Variants in RBMS3 observed in about 807,000 individuals in gnomAD.
RBMS3 encodes the protein RNA-binding motif, single-stranded-interacting protein 3.
In RBMS3, 27 loss-of-function variants were observed where a neutral mutation model predicts 66.8. The observed-to-expected ratio is 0.40, with a 90% CI of 0.30 to 0.56. The LOEUF is 0.56. Among genes scored for constraint, RBMS3 ranks in the 20% least tolerant of loss-of-function variants. The pLI is 0.40. For synonymous variants in RBMS3, 188 were observed against 183.0 expected (o/e 1.03, Z -0.22); for missense variants, 513 against 549.5 (o/e 0.93, Z 0.66).
intron 1 of RBMS3, among the ~76,000 whole-genome samples, chr3:29,415,471 A>G (rs1450371637): frequency 6.6e-6 from 1 of 152,232 alleles, no homozygotes; most frequent in African/African-American, 2.4e-5. Flanking sequence ...TGTCAGTCTC[A>G]GGAAGGTGAT....
At chr3:29,878,071 G>C (rs1027655637) in intron 7 of RBMS3, among the ~76,000 whole-genome samples, 1 of 152,046 alleles carries the variant, frequency 6.6e-6, no homozygotes, top group African/African-American at 2.4e-5. Context: ...CAGATCGTCA[G>C]GCATTAGTTA....
At chr3:29,305,179 C>T (rs1178156020) in intron 1 of RBMS3, among the ~76,000 whole-genome samples, 2 of 151,884 alleles carry the variant, frequency 1.3e-5, no homozygotes, top group Non-Finnish European at 2.9e-5. Flanking sequence ...GTTTTTCAGA[C>T]CCCAGCTTAA....
chr3:29,880,925 G>A, intron 7 of RBMS3: 2 of 1,191,350 alleles, frequency 1.7e-6, no homozygotes, highest in Non-Finnish European at 2.4e-6. Context: ...TCATTCCTCT[G>A]GATTTACCCT....
intron 2 of RBMS3, among the ~76,000 whole-genome samples, chr3:29,436,827 A>G (rs1013304516): frequency 6.6e-6 from 1 of 152,230 alleles, no homozygotes; most frequent in African/African-American, 2.4e-5. Context: ...ATGTATTTCA[A>G]ACAGGATCTT....
chr3:29,978,939 G>C (rs1325081613), intron 12 of RBMS3, among the ~76,000 whole-genome samples: 1 of 152,050 alleles, frequency 6.6e-6, no homozygotes, highest in Non-Finnish European at 1.5e-5. Context: ...TTCAAGACCA[G>C]TCTGGGCAAG....
intron 6 of RBMS3, among the ~76,000 whole-genome samples, chr3:29,786,330 A>C (rs1254085962): frequency 6.6e-6 from 1 of 151,972 alleles, no homozygotes; most frequent in Non-Finnish European, 1.5e-5. Context: ...CAGAACCAGA[A>C]AAAAAATAAA....
intron 1 of RBMS3, among the ~76,000 whole-genome samples, chr3:29,425,479 A>C (rs1412970115): frequency 6.7e-6 from 1 of 148,924 alleles, no homozygotes; most frequent in Admixed American, 6.7e-5. Flanking sequence ...TAAAAATACA[A>C]AAAAAAAAAT....
At chr3:29,459,234 G>A (rs147770955) in intron 2 of RBMS3, among the ~76,000 whole-genome samples, 194 of 152,158 alleles carry the variant, frequency 1.3e-3, no homozygotes, top group African/African-American at 4.3e-3. Context: ...AGTTTTCTTC[G>A]TTTGAAATTT....
rs1015084132 is a variant in RBMS3, at chr3:29,281,739, C to T, written c.58C>T (p.His20Tyr). The change falls in exon 1 of 15, where the codon CAT becomes TAT. Residue 20 changes from histidine to tyrosine, a missense_variant. By Grantham distance (83) the His-to-Tyr change is moderately conservative. Coordinates refer to ENST00000383767, the MANE Select transcript of RBMS3 (RefSeq NM_001003793.3). Reference sequence around the variant, plus strand: ...CCCCCAGTACACTTACTACTATCCTCATTATCTCCAAACCAAGGTATGGCT... The same window carrying T: ...CCCCCAGTACACTTACTACTATCCTTATTATCTCCAAACCAAGGTATGGCT... Reference protein sequence around the residue: ...MYPQYTYYYPHYLQTKQSYAP... With the variant: ...MYPQYTYYYPYYLQTKQSYAP... 2 of 1,613,076 alleles carry T rather than the reference C, an allele frequency of 1.2e-6. No homozygotes were observed. The highest frequency in any genetic ancestry group is 1.7e-6 in the Non-Finnish European group (2 of 1,179,380).
intron 3 of RBMS3, among the ~76,000 whole-genome samples, chr3:29,574,422 T>C (rs2047046356): frequency 1.3e-5 from 2 of 152,118 alleles, no homozygotes; most frequent in Admixed American, 6.5e-5. Flanking sequence ...TGTCTTTTTT[T>C]TTCCATCCCT....
intron 4 of RBMS3, among the ~76,000 whole-genome samples, chr3:29,647,646 G>A (rs985737419): frequency 1.4e-4 from 21 of 152,202 alleles, no homozygotes; most frequent in African/African-American, 3.9e-4. Context: ...CATATCTCTC[G>A]CAGGCTGGGT....
chr3:29,970,715 T>C (rs1697173324), intron 12 of RBMS3, among the ~76,000 whole-genome samples: 1 of 152,194 alleles, frequency 6.6e-6, no homozygotes, highest in Non-Finnish European at 1.5e-5. Context: ...GCATTAATAA[T>C]CACTTTTATT....
rs116358689 is a variant in RBMS3, at chr3:29,528,450, C to T, written c.307+39951C>T. Among the ~76,000 whole-genome samples, 504 of 152,168 alleles carry T rather than the reference C, an allele frequency of 3.3e-3. 3 individuals carry two copies. Among genetic ancestry groups the T allele is most frequent in the Non-Finnish European group, 3.9e-3 (267 of 68,008 alleles). Reference sequence around the variant, plus strand: ...CAAGCTTAACAAATACCTTTAAGTGCTATATGTAGTACTAGATCTTCTAAA... The same window carrying T: ...CAAGCTTAACAAATACCTTTAAGTGTTATATGTAGTACTAGATCTTCTAAA... On this transcript the variant is annotated intron_variant, in intron 3 of 14. Coordinates refer to ENST00000383767, the MANE Select transcript of RBMS3 (RefSeq NM_001003793.3).
chr3:29,381,168 C>A (rs1214321904), intron 1 of RBMS3, among the ~76,000 whole-genome samples: 1 of 152,082 alleles, frequency 6.6e-6, no homozygotes, highest in African/African-American at 2.4e-5. Context: ...GGTCATATGA[C>A]CCCCTGCTCT....
At chr3:29,704,759 A>T (rs1045135982) in intron 4 of RBMS3, among the ~76,000 whole-genome samples, 1 of 152,224 alleles carries the variant, frequency 6.6e-6, no homozygotes, top group Admixed American at 6.5e-5. Context: ...GAAATAATTT[A>T]AAAAATTGTT....
At chr3:29,772,794 G>C (rs1034147993) in intron 6 of RBMS3, among the ~76,000 whole-genome samples, 1 of 151,850 alleles carries the variant, frequency 6.6e-6, no homozygotes, top group East Asian at 1.9e-4. Context: ...CATTAGAGTT[G>C]CTTGTGTGTT....
intron 10 of RBMS3, among the ~76,000 whole-genome samples, chr3:29,928,462 G>A (rs1376509470): frequency 6.6e-6 from 1 of 150,418 alleles, no homozygotes; most frequent in South Asian, 2.1e-4. Context: ...GATTTTTTTT[G>A]TCTTGTGCTG....
At chr3:29,486,374 G>A (rs1222744086) in intron 2 of RBMS3, among the ~76,000 whole-genome samples, 2 of 152,124 alleles carry the variant, frequency 1.3e-5, no homozygotes, top group Non-Finnish European at 2.9e-5. Context: ...CATAGTAGAT[G>A]TTGCGTCAAG....
chr3:29,944,212 A>G lies in RBMS3; in HGVS notation c.1056A>G (p.Gln352=). 3 of 1,588,336 alleles carry G rather than the reference A, an allele frequency of 1.9e-6. No individual in the cohort carries two copies. Among genetic ancestry groups the G allele is most frequent in the Non-Finnish European group, 2.6e-6 (3 of 1,157,452 alleles). ...CATGCTCTTTTCATTCAAAGATTCA[A>G]TCCCAAGACAGGATTATGATACTCC... The part of the protein sequence containing the change: ...HLSLGTTGTI[Q]SQDRIMILHQ... The change falls in exon 12 of 15, where the codon CAA becomes CAG. Residue 352 remains glutamine (Q), a synonymous_variant. Transcript: ENST00000383767.
Sources: gnomAD v4.1 joint callset for allele counts (sites outside exome capture counted in the v4.1 genomes callset) on GRCh38, gnomAD v4.1.1 for gene constraint, MANE v1.5 for transcripts, NCBI Gene and HGNC (gene_info 2026-07-23, HGNC 2026-07-21) for gene names.